NPM1: variants seen among roughly 807,000 people sequenced by gnomAD.
The protein encoded by NPM1 is nucleophosmin.
In NPM1, 1 loss-of-function variant was observed where a neutral mutation model predicts 44.1. The observed-to-expected ratio is 0.02, with a 90% CI of 0.01 to 0.11. NPM1 has a LOEUF of 0.11. NPM1 is among the 10% of genes least tolerant of loss of function. The pLI, the probability that NPM1 is intolerant of heterozygous loss-of-function variation, is 1.00. For missense variants in NPM1, 197 were observed against 347.8 expected (o/e 0.57, Z 3.45); for synonymous variants, 126 against 111.8 (o/e 1.13, Z -0.80).
At chr5:171,389,621 T>G (rs1268099174) in intron 1 of NPM1, among the ~76,000 whole-genome samples, 2 of 152,238 alleles carry the variant, frequency 1.3e-5, no homozygotes, top group Non-Finnish European at 2.9e-5. Flanking sequence ...TCATTTTTCT[T>G]TTGTAATAGT....
intron 8 of NPM1, among the ~76,000 whole-genome samples, chr5:171,402,912 A>G (rs1412542024): frequency 6.9e-6 from 1 of 145,644 alleles, no homozygotes; most frequent in Admixed American, 6.8e-5. Flanking sequence ...TAAGTCAATT[A>G]AACCTCTTTT....
rs145404845 is a variant in NPM1 at position 171,392,440 on chromosome 5, TCTTGGCCTCAAGTGGTCCGC to T, written c.353-260_353-241del. On this transcript the variant is annotated intron_variant, in intron 4 of 10. Transcript: ENST00000296930. ...TCTCAGTATGTTGCCCAGATTGGAC[TCTTGGCCTCAAGTGGTCCGC>T]CTTGGCCTCCCCAAAGTGAGATTAC... is the stretch of plus-strand genomic sequence containing the variant. Among the ~76,000 whole-genome samples the T allele has an allele frequency of 6.2e-3, 946 of 152,248 alleles. 7 individuals are homozygous for T. The highest frequency in any genetic ancestry group is 0.022 in the African/African-American group (895 of 41,528).
intron 8 of NPM1, among the ~76,000 whole-genome samples, chr5:171,404,188 C>T (rs1352297436): frequency 3.0e-5 from 3 of 99,444 alleles, no homozygotes; most frequent in African/African-American, 1.2e-4. Flanking sequence ...GGGGGGCTGA[C>T]CCCCCACCTC....
At chr5:171,389,380 T>C (rs551106399) in intron 1 of NPM1, among the ~76,000 whole-genome samples, 37 of 152,360 alleles carry the variant, frequency 2.4e-4, no homozygotes, top group Middle Eastern at 3.4e-3. Flanking sequence ...TGCCCATTCA[T>C]GGAGTGAGAG....
In NPM1 at chr5:171,410,702, T is replaced by C. The variant is rs1771786812; in HGVS notation, c.*137T>C. ...TTTGATAAATGTTGTCCAGGTTCTA[T>C]TGCCAAGAATGTGTTGTCCAAAATG... On this transcript the variant is annotated 3_prime_UTR_variant, in exon 11 of 11. Coordinates refer to ENST00000296930, the MANE Select transcript of NPM1 (RefSeq NM_002520.7). The C allele has an allele frequency of 1.8e-6, 1 of 551,090 alleles. No individual in the cohort carries two copies. Among genetic ancestry groups the C allele is most frequent in the Non-Finnish European group, 3.2e-6 (1 of 316,206 alleles). 34.1% of individuals were successfully genotyped at this position (551,090 alleles called of 1,614,324 possible).
At position 171,405,216 on chromosome 5, in the gene NPM1, A is replaced by C. The variant is rs528829203; in HGVS notation, c.670-86A>C. The C allele has an allele frequency of 1.0e-5, 7 of 674,994 alleles. No individual in the cohort carries two copies. The East Asian group carries it at 1.9e-4, about 18-fold the overall frequency. 41.8% of individuals were successfully genotyped at this position (674,994 alleles called of 1,614,324 possible). ...AGCTTTATAAGGGAGTTTTGTGAGA[A>C]TATTTGAGGAAATCCAGATAGAATG... is the stretch of plus-strand genomic sequence containing the variant. On this transcript the variant is annotated intron_variant, in intron 8 of 10. Coordinates refer to ENST00000296930, the MANE Select transcript of NPM1 (RefSeq NM_002520.7).
intron 2 of NPM1, 48 bp from the exon 3 acceptor site, chr5:171,391,257 A>T (rs1425027998): frequency 6.3e-7 from 1 of 1,597,238 alleles, no homozygotes; most frequent in Non-Finnish European, 8.5e-7. Flanking sequence ...GGGGGTGTAA[A>T]ATAGGTGGAA....
At chr5:171,401,126 G>T (rs762080910) in intron 8 of NPM1, among the ~76,000 whole-genome samples, 1 of 152,082 alleles carries the variant, frequency 6.6e-6, no homozygotes, top group Non-Finnish European at 1.5e-5. Flanking sequence ...GGAGGCCAAG[G>T]TGGGTGGGAT....
At chr5:171,391,680 A>C in intron 3 of NPM1, 26 bp from the exon 4 acceptor site, 1 of 1,419,916 alleles carries the variant, frequency 7.0e-7, no homozygotes, top group South Asian at 1.2e-5. Context: ...TCACATGTTT[A>C]GTGATGAAAA....
In NPM1 at chr5:171,405,582, A is replaced by T. The variant is rs188048764; in HGVS notation, c.771+179A>T. Reference sequence around the variant, plus strand: ...AACATTTATAATCGTGTCTGTGGTGATTTTTGCATATGCAAAATTAAATAT... The same window carrying T: ...AACATTTATAATCGTGTCTGTGGTGTTTTTTGCATATGCAAAATTAAATAT... On this transcript the variant is annotated intron_variant, in intron 9 of 10. Transcript: ENST00000296930. 9.5e-5 allele frequency: 57 copies of T among 597,950 alleles called. 1 individual carries two copies. Among genetic ancestry groups the T allele is most frequent in the East Asian group, 5.6e-4 (19 of 33,772 alleles). The allele number at this position is 597,950 out of a possible 1,614,324, so 37.0% of individuals were successfully genotyped here.
In NPM1 at chr5:171,405,344, C is replaced by G. The variant is rs756636316; in HGVS notation, c.712C>G (p.Pro238Ala). The G allele has an allele frequency of 6.3e-7, 1 of 1,596,470 alleles. No homozygotes were observed. Among genetic ancestry groups the G allele is most frequent in the South Asian group, 1.1e-5 (1 of 89,216 alleles). ...GAAACAGGAAAAAACTCCTAAAACA[C>G]CAAAAGGACCTAGTTCTGTAGAAGA... ...FKKQEKTPKT[P>A]KGPSSVEDIK... The change falls in exon 9 of 11, where the codon CCA becomes GCA. Residue 238 changes from proline to alanine, a missense_variant. Pro to Ala is a conservative substitution (Grantham distance 27). Around this residue, in one of 5 missense-constraint regions of NPM1, gnomAD observed 47 missense variants for 106.5 expected, o/e 0.44. Transcript: ENST00000296930.
At chr5:171,390,789 T>C (rs1270609866) in intron 2 of NPM1, among the ~76,000 whole-genome samples, 1 of 151,996 alleles carries the variant, frequency 6.6e-6, no homozygotes, top group African/African-American at 2.4e-5. Flanking sequence ...AGTGGTGTAA[T>C]CTCGGCTCAC....
At chr5:171,388,742 G>T (rs1449944208) in intron 1 of NPM1, among the ~76,000 whole-genome samples, 2 of 152,218 alleles carry the variant, frequency 1.3e-5, no homozygotes, top group African/African-American at 4.8e-5. Flanking sequence ...AGTGCTTACA[G>T]CATGTACTGT....
chr5:171,391,145 C>T, intron 2 of NPM1, 160 bp from the exon 3 acceptor site: 14 of 792,812 alleles, frequency 1.8e-5, no homozygotes, highest in Non-Finnish European at 6.0e-6. Flanking sequence ...TTTGTATAAG[C>T]ACATTCTTAT....
intron 8 of NPM1, among the ~76,000 whole-genome samples, chr5:171,404,510 A>T (rs1335297729): frequency 3.0e-5 from 2 of 66,110 alleles, no homozygotes; most frequent in Non-Finnish European, 6.0e-5. Context: ...GCGGCGGGGC[A>T]GAGGCGCTCC....
chr5:171,406,369 T>G (rs377599073), intron 9 of NPM1: 4 of 1,595,346 alleles, frequency 2.5e-6, no homozygotes, highest in Non-Finnish European at 3.4e-6. Context: ...CATTTTAATA[T>G]GGTCCTATCT....
intron 1 of NPM1, among the ~76,000 whole-genome samples, chr5:171,389,030 G>A (rs1029724178): frequency 6.6e-6 from 1 of 152,210 alleles, no homozygotes; most frequent in African/African-American, 2.4e-5. Flanking sequence ...CAAGAAACAC[G>A]TAGAGTGTTC....
intron 1 of NPM1, 72 bp downstream of exon 1, chr5:171,388,078 G>GGTGTGGGGGGGT: frequency 1.3e-5 from 8 of 616,736 alleles, no homozygotes; most frequent in Middle Eastern, 4.4e-4. Flanking sequence ...TGAGGGGCGG[G>GGTGTGGGGGGGT]AATCCGGCTG....
chr5:171,408,573 T>A (rs1771680083), intron 10 of NPM1, among the ~76,000 whole-genome samples: 1 of 152,222 alleles, frequency 6.6e-6, no homozygotes, highest in Non-Finnish European at 1.5e-5. Context: ...AAAACCCTGA[T>A]AATGGTTAAT....
Sources: gnomAD v4.1 joint callset for allele counts (sites outside exome capture counted in the v4.1 genomes callset) on GRCh38, gnomAD v4.1.1 for gene constraint, gnomAD v4.1.1 regional missense constraint, MANE v1.5 for transcripts, NCBI Gene and HGNC (gene_info 2026-07-23, HGNC 2026-07-21) for gene names.